Variants in VWDE observed in about 807,000 individuals in gnomAD.
VWDE encodes von Willebrand factor D and EGF domains, also known as von Willebrand factor D and EGF domain-containing protein.
A neutral mutation model predicts 178.4 loss-of-function variants in VWDE; 207 were observed. The observed-to-expected ratio is 1.16, with a 90% CI of 1.04 to 1.30. The LOEUF is 1.30. Ranked by LOEUF, VWDE falls within the 50% of genes most tolerant of loss-of-function variation. The pLI is 0.00. For synonymous variants in VWDE, 738 were observed against 651.4 expected, an observed-to-expected ratio of 1.13 and a Z score of -2.02; for missense variants, 2,287 against 1,901.3, an observed-to-expected ratio of 1.20 and a Z score of -3.77.
intron 22 of VWDE, among the ~76,000 whole-genome samples, chr7:12,342,778 C>T (rs111281363): frequency 0.018 from 2,766 of 151,612 alleles, 78 homozygotes; most frequent in African/African-American, 0.063. Context: ...GTGTGCTGCA[C>T]CCATCAACTC....
At chr7:12,334,528 C>A (rs1780908821) in intron 27 of VWDE, among the ~76,000 whole-genome samples, 1 of 152,098 alleles carries the variant, frequency 6.6e-6, no homozygotes, top group Non-Finnish European at 1.5e-5. Flanking sequence ...TGAGAAAGCA[C>A]CATTCACATG....
chr7:12,398,934 A>G (rs976897172), intron 1 of VWDE, among the ~76,000 whole-genome samples: 2 of 152,100 alleles, frequency 1.3e-5, no homozygotes, highest in South Asian at 2.1e-4. Flanking sequence ...AAAACTACCT[A>G]TTGGGTACTA....
intron 15 of VWDE, among the ~76,000 whole-genome samples, chr7:12,360,156 T>C (rs1157665432): frequency 6.6e-6 from 1 of 152,108 alleles, no homozygotes; most frequent in Non-Finnish European, 1.5e-5. Flanking sequence ...CATAATTATA[T>C]CCACACTTGA....
rs1468642890 is a variant in VWDE at position 12,369,765 on chromosome 7, A to C, written c.2541T>G (p.Asp847Glu). 1 of 1,551,526 alleles carries C rather than the reference A, an allele frequency of 6.4e-7. No individual in the cohort carries two copies. Among genetic ancestry groups the C allele is most frequent in the East Asian group, 2.4e-5 (1 of 40,904 alleles). ...CCACACCTGCTTCTGCCCAACTAAG[A>C]TCATCTTTTAACAGAACATCCTTCA... ...MCVKDVLLKD[D>E]LSWAEAGVAL... The change falls in exon 12 of 29, where the codon GAT (aspartate) becomes GAG (glutamate). Residue 847 changes from aspartate to glutamate, a missense_variant. Transcript: ENST00000275358.
intron 1 of VWDE, among the ~76,000 whole-genome samples, chr7:12,395,112 A>G (rs1462213957): frequency 6.6e-6 from 1 of 152,118 alleles, no homozygotes; most frequent in African/African-American, 2.4e-5. Context: ...GGAAGTCAAC[A>G]CAAAAGGCTC....
At position 12,403,753 on chromosome 7, in the gene VWDE, G is replaced by C. The variant is rs1026529169; in HGVS notation, c.-37C>G. On this transcript the variant is annotated 5_prime_UTR_variant, in exon 1 of 29. Coordinates refer to ENST00000275358, the MANE Select transcript of VWDE (RefSeq NM_001135924.3). ...CAGGTGGGGCGAAAGGCGTCGCAGA[G>C]CCCGGGCCGCGGGTGCCAGGAGGAT... 1.9e-6 allele frequency: 3 copies of C among 1,548,580 alleles called. No homozygotes were observed. In the Admixed American group the frequency reaches 5.9e-5, roughly 30 times the overall value.
intron 17 of VWDE, among the ~76,000 whole-genome samples, chr7:12,356,784 A>G (rs1291007102): frequency 6.6e-6 from 1 of 152,244 alleles, no homozygotes; most frequent in Admixed American, 6.5e-5. Context: ...AGCAAAGGAC[A>G]TATAAAGGGT....
At chr7:12,361,040 T>C in intron 15 of VWDE, 107 bp downstream of exon 15, 1 of 634,388 alleles carries the variant, frequency 1.6e-6, no homozygotes, top group Non-Finnish European at 2.6e-6. Context: ...TTTTCTCTAT[T>C]AGTTTTTCTG....
intron 8 of VWDE, 32 bp from the exon 9 acceptor site, chr7:12,374,794 A>G: frequency 5.8e-6 from 8 of 1,370,398 alleles, no homozygotes; most frequent in Non-Finnish European, 8.0e-6. Context: ...GGTAAATATT[A>G]CCATTAATTA....
At chr7:12,371,011 T>C (rs1783169891) in intron 10 of VWDE, 147 bp from the exon 11 acceptor site, 2 of 708,302 alleles carry the variant, frequency 2.8e-6, no homozygotes, top group Admixed American at 3.7e-5. Context: ...GACTACAACT[T>C]TCCTCTTAAC....
At chr7:12,382,317 T>A (rs1187543238) in intron 4 of VWDE, among the ~76,000 whole-genome samples, 1 of 151,772 alleles carries the variant, frequency 6.6e-6, no homozygotes, top group Admixed American at 6.6e-5. Context: ...TTATGCAGAG[T>A]AGTCAAATAA....
rs762803640 is a variant in VWDE, at chr7:12,373,216, C to G, written c.1348G>C (p.Val450Leu). Residue 450 changes from valine to leucine, a missense_variant, in exon 10 of 29, where the codon GTG becomes CTG. Coordinates refer to ENST00000275358, the MANE Select transcript of VWDE (RefSeq NM_001135924.3). ...TCACGTGACATACTCTTATAAAGCA[C>G]AAATGTTCCAGTCTTGAAATTATCA... ...VYDNFKTGTF[V>L]LYKSMSRDFE... 1 of 1,551,228 alleles carries G rather than the reference C, an allele frequency of 6.4e-7. No homozygotes were observed. The highest frequency in any genetic ancestry group is 1.2e-5 in the South Asian group (1 of 84,036).
chr7:12,401,615 A>C (rs996499328), intron 1 of VWDE, among the ~76,000 whole-genome samples: 1 of 152,170 alleles, frequency 6.6e-6, no homozygotes, highest in Non-Finnish European at 1.5e-5. Flanking sequence ...CCACGAGGAT[A>C]GGTAGAATCC....
At chr7:12,358,355 C>G (rs1338264481) in intron 16 of VWDE, among the ~76,000 whole-genome samples, 1 of 131,794 alleles carries the variant, frequency 7.6e-6, no homozygotes, top group African/African-American at 3.0e-5. Context: ...GCCTGGGAGA[C>G]AGAATGAGAT....
At chr7:12,358,375 A>AAG (rs1263179241) in intron 16 of VWDE, among the ~76,000 whole-genome samples, 1 of 149,834 alleles carries the variant, frequency 6.7e-6, no homozygotes, top group African/African-American at 2.5e-5. Context: ...TTCTGTCTCA[A>AAG]AAAATAAAAG....
At chr7:12,352,755 C>G (rs1782011691) in intron 18 of VWDE, among the ~76,000 whole-genome samples, 1 of 152,112 alleles carries the variant, frequency 6.6e-6, no homozygotes, top group African/African-American at 2.4e-5. Flanking sequence ...CTGCTGCTTC[C>G]TTAGTACATA....
At chr7:12,359,891 G>C (rs1562483914) in intron 15 of VWDE, among the ~76,000 whole-genome samples, 199 bp from the exon 16 acceptor site, 1 of 152,056 alleles carries the variant, frequency 6.6e-6, no homozygotes, top group Non-Finnish European at 1.5e-5. Flanking sequence ...TCAATTTGGA[G>C]GTAATAAAAG....
At position 12,370,836 on chromosome 7, in the gene VWDE, C is replaced by A. The variant is rs113837218; in HGVS notation, c.1616G>T (p.Arg539Leu). Reference sequence around the variant, plus strand: ...CATGCCCCATTCACCAAGATCAGCACGGATAAATGCCCCAGAAGAAAACCA... The same window carrying A: ...CATGCCCCATTCACCAAGATCAGCAAGGATAAATGCCCCAGAAGAAAACCA... Reference protein sequence around the residue: ...TIWFSSGAFIRADLGEWGMSL... With the variant: ...TIWFSSGAFILADLGEWGMSL... Residue 539 changes from arginine (R) to leucine (L), a missense_variant, in exon 11 of 29, where the codon CGT (arginine) becomes CTT (leucine). Coordinates refer to ENST00000275358, the MANE Select transcript of VWDE (RefSeq NM_001135924.3). 11 of 1,541,486 alleles carry A rather than the reference C, an allele frequency of 7.1e-6. No homozygotes were observed. The highest frequency in any genetic ancestry group is 2.5e-5 in the South Asian group (2 of 81,000).
At chr7:12,352,389 T>A (rs74942007) in intron 18 of VWDE, among the ~76,000 whole-genome samples, 1,790 of 152,298 alleles carry the variant, frequency 0.012, 48 homozygotes, top group African/African-American at 0.042. Context: ...ATCATAAAAC[T>A]AAGAAAACAC....
Sources: allele counts gnomAD v4.1 joint callset (sites outside exome capture counted in the v4.1 genomes callset), GRCh38; gene constraint gnomAD v4.1.1; transcripts MANE v1.5; gene names NCBI Gene and HGNC (gene_info 2026-07-23, HGNC 2026-07-21).